C10orf90: variants seen among roughly 807,000 people sequenced by gnomAD.
The protein encoded by C10orf90 is (E2-independent) E3 ubiquitin-conjugating enzyme FATS.
C10orf90 carries 56 observed loss-of-function variants against 62.5 expected under a neutral mutation model. The ratio of observed to expected loss-of-function variants is 0.90; its 90% CI spans 0.72 to 1.12. The LOEUF (loss-of-function observed/expected upper bound fraction) is 1.12. C10orf90 is among the 50% of genes most tolerant of loss of function. C10orf90 has a pLI of 0.00. For synonymous variants in C10orf90, 386 were observed against 340.4 expected, an observed-to-expected ratio of 1.13 and a Z score of -1.47; for missense variants, 970 against 880.4, an observed-to-expected ratio of 1.10 and a Z score of -1.29.
chr10:126,492,247 G>T (rs963938697), intron 4 of C10orf90, among the ~76,000 whole-genome samples: 1 of 152,168 alleles, frequency 6.6e-6, no homozygotes, highest in African/African-American at 2.4e-5. Context: ...TGTGTGCTAG[G>T]GGGAGAAGGG....
At chr10:126,581,618 G>A (rs1483681039) in intron 2 of C10orf90, among the ~76,000 whole-genome samples, 1 of 152,176 alleles carries the variant, frequency 6.6e-6, no homozygotes, top group African/African-American at 2.4e-5. Flanking sequence ...TAAAACTGAT[G>A]TCTGGAGCCA....
chr10:126,518,234 T>C (rs972509573), intron 2 of C10orf90, among the ~76,000 whole-genome samples: 4 of 152,142 alleles, frequency 2.6e-5, no homozygotes, highest in Non-Finnish European at 4.4e-5. Context: ...GGGGCACTTG[T>C]TGGAAATTCA....
chr10:126,659,779 A>G (rs1178466453), intron 1 of C10orf90, among the ~76,000 whole-genome samples: 1 of 152,238 alleles, frequency 6.6e-6, no homozygotes, highest in Non-Finnish European at 1.5e-5. Flanking sequence ...AAATGAGTGA[A>G]TCTGTAATAG....
At chr10:126,471,008 G>A (rs1161967151) in intron 4 of C10orf90, among the ~76,000 whole-genome samples, 2 of 152,182 alleles carry the variant, frequency 1.3e-5, no homozygotes, top group East Asian at 1.9e-4. Flanking sequence ...AATTGTTTCA[G>A]CACATTTCTG....
At chr10:126,635,219 C>T (rs920304023) in intron 2 of C10orf90, among the ~76,000 whole-genome samples, 1 of 152,192 alleles carries the variant, frequency 6.6e-6, no homozygotes, top group Non-Finnish European at 1.5e-5. Context: ...AGCTGAGGGT[C>T]ATTAAAGTAA....
At chr10:126,661,571 C>T (rs776551716) in intron 1 of C10orf90, among the ~76,000 whole-genome samples, 10 of 152,222 alleles carry the variant, frequency 6.6e-5, no homozygotes, top group Non-Finnish European at 1.3e-4. Context: ...TTCCCAATTC[C>T]CTGATGGAAA....
At chr10:126,484,424 C>T (rs1005331541) in intron 4 of C10orf90, among the ~76,000 whole-genome samples, 1 of 152,060 alleles carries the variant, frequency 6.6e-6, no homozygotes, top group Non-Finnish European at 1.5e-5. Flanking sequence ...CCAAAAAAAA[C>T]CCTAACACCA....
chr10:126,657,327 C>T (rs188936526), intron 1 of C10orf90, among the ~76,000 whole-genome samples: 1 of 152,350 alleles, frequency 6.6e-6, no homozygotes, highest in African/African-American at 2.4e-5. Flanking sequence ...CTCCTCCTCC[C>T]AGCCCCTGGG....
chr10:126,434,946 A>C (rs1857824517), intron 7 of C10orf90, among the ~76,000 whole-genome samples: 1 of 152,228 alleles, frequency 6.6e-6, no homozygotes, highest in Admixed American at 6.5e-5. Context: ...AGGTTACACC[A>C]TATGAAGGTG....
chr10:126,438,736 A>G (rs72830757), intron 7 of C10orf90, among the ~76,000 whole-genome samples: 1 of 120,814 alleles, frequency 8.3e-6, no homozygotes, highest in African/African-American at 3.4e-5. Context: ...ATATGTATAC[A>G]TGTGTGTATG....
intron 2 of C10orf90, among the ~76,000 whole-genome samples, chr10:126,528,389 G>C (rs1864005346): frequency 6.6e-6 from 1 of 152,206 alleles, no homozygotes; most frequent in African/African-American, 2.4e-5. Context: ...GGAAGAAAGA[G>C]CAAGGAATGA....
chr10:126,504,982 G>A lies in C10orf90; in HGVS notation c.509C>T (p.Pro170Leu), dbSNP rs377089558. ...TGCACGAGACTGAGCAATGGCACAC[G>A]GTAGGGGCAAGGAGGCCCTGTTTTC... ...SRENRASLPL[P>L]CAIAQSRAHH... Residue 170 changes from proline to leucine, a missense_variant, in exon 4 of 10, where the codon CCG becomes CTG. Pro to Leu is a moderately conservative substitution (Grantham distance 98). Coordinates refer to ENST00000488181, the MANE Select transcript of C10orf90 (RefSeq NM_001350921.2). This position sits in a 1 kb window ranked among gnomAD's most constrained non-coding sequence, Gnocchi z 4.1. 1.1e-4 allele frequency: 179 copies of A among 1,614,116 alleles called. No homozygotes were observed. Among genetic ancestry groups the A allele is most frequent in the South Asian group, 1.5e-4 (14 of 91,090 alleles).
chr10:126,473,636 C>G (rs1251549316), intron 4 of C10orf90, among the ~76,000 whole-genome samples: 2 of 149,028 alleles, frequency 1.3e-5, no homozygotes, highest in East Asian at 3.9e-4. Flanking sequence ...AGGCTGCCCA[C>G]CTCTGGATTT....
In C10orf90 at chr10:126,442,483, A is replaced by ATATATATATATATATATATC. The variant is rs1405218368; in HGVS notation, c.2189-12634_2189-12633insGATATATATATATATATATA. On this transcript the variant is annotated intron_variant, in intron 7 of 9. Transcript: ENST00000488181. ...AGTAGGGAACTTCAATATTTCATAT[A>ATATATATATATATATATATC]TATATATATATATATATATATATAT... 2.0e-4 allele frequency among the ~76,000 whole-genome samples: 14 copies of ATATATATATATATATATATC among 71,740 alleles called. 1 individual carries two copies. The highest frequency in any genetic ancestry group is 7.0e-4 in the African/African-American group (14 of 19,962). The allele number at this position is 71,740 out of a possible 152,430, so 47.1% of individuals were successfully genotyped here. A position where few individuals can be genotyped will look rare whatever the true frequency, so the allele number is the denominator to read the frequency against.
chr10:126,429,669 G>A, intron 8 of C10orf90, 118 bp downstream of exon 8: 1 of 760,692 alleles, frequency 1.3e-6, no homozygotes, highest in East Asian at 2.5e-5. Context: ...CAGCCAAAAA[G>A]ACCTCAGACC....
At chr10:126,637,035 A>G (rs182083373) in intron 2 of C10orf90, among the ~76,000 whole-genome samples, 5 of 152,214 alleles carry the variant, frequency 3.3e-5, no homozygotes, top group East Asian at 3.9e-4. Flanking sequence ...AACAATTAAT[A>G]AGGAAGTCGA....
At chr10:126,500,790 C>T (rs1260673395) in intron 4 of C10orf90, among the ~76,000 whole-genome samples, 1 of 152,202 alleles carries the variant, frequency 6.6e-6, no homozygotes, top group African/African-American at 2.4e-5. Context: ...GTGCTTGTGT[C>T]TCATTTTTCC....
chr10:126,659,059 T>A (rs987554571), intron 1 of C10orf90, among the ~76,000 whole-genome samples: 1 of 152,174 alleles, frequency 6.6e-6, no homozygotes, highest in African/African-American at 2.4e-5. Context: ...CTGCACGCAT[T>A]GGGAACTACA....
At chr10:126,618,197 T>C (rs1408347230) in intron 2 of C10orf90, among the ~76,000 whole-genome samples, 1 of 152,226 alleles carries the variant, frequency 6.6e-6, no homozygotes, top group Non-Finnish European at 1.5e-5. Context: ...TTTTTGGACC[T>C]AAGAAAGAGA....
Sources: allele counts gnomAD v4.1 joint callset (sites outside exome capture counted in the v4.1 genomes callset), GRCh38; gene constraint gnomAD v4.1.1; non-coding constraint Gnocchi (gnomAD v3.1); transcripts MANE v1.5; gene names NCBI Gene and HGNC (gene_info 2026-07-23, HGNC 2026-07-21).